Variants in DPH6 observed in about 807,000 individuals in gnomAD.
DPH6 encodes the protein diphthine--ammonia ligase.
Under a neutral mutation model 38.2 loss-of-function variants are expected in DPH6, and 33 were observed. That is an observed-to-expected ratio of 0.86 (90% CI 0.65 to 1.15). The LOEUF is 1.15. Ranked by LOEUF, DPH6 falls within the 50% of genes most tolerant of loss-of-function variation. DPH6 has a pLI of 0.00. For missense variants in DPH6, 325 were observed against 320.0 expected (o/e 1.02, Z -0.12); for synonymous variants, 108 against 103.0 (o/e 1.05, Z -0.30).
At chr15:35,207,955 CT>C in the DPH6 span, among the ~76,000 whole-genome samples, 7 of 152,204 alleles carry the variant, frequency 4.6e-5, no homozygotes, top group African/African-American at 1.7e-4. Context: ...TAGAAATTAC[CT>C]TTATTTTTCA....
intron 3 of DPH6, among the ~76,000 whole-genome samples, chr15:35,244,336 T>A (rs1268909627): frequency 6.6e-6 from 1 of 152,228 alleles, no homozygotes; most frequent in African/African-American, 2.4e-5. Flanking sequence ...AGGCTTTCTC[T>A]ATAGCACGTT....
At chr15:35,468,200 T>C (rs371611634) in intron 3 of DPH6, among the ~76,000 whole-genome samples, 2 of 152,378 alleles carry the variant, frequency 1.3e-5, no homozygotes, top group East Asian at 3.9e-4. Context: ...CTATGCATTA[T>C]CTCATTTTAT....
chr15:35,213,940 G>A (rs986452038), downstream of DPH6, among the ~76,000 whole-genome samples: 21 of 152,220 alleles, frequency 1.4e-4, no homozygotes, highest in East Asian at 3.9e-4. Context: ...GTGAAACCCC[G>A]TCTCTATTAA....
At chr15:35,369,169 C>A (rs897401463), downstream of DPH6, among the ~76,000 whole-genome samples, 8 of 151,400 alleles carry the variant, frequency 5.3e-5, no homozygotes, top group Non-Finnish European at 1.2e-4. Context: ...CAAGGAAAGG[C>A]ATTAAGGATT....
the DPH6 span, among the ~76,000 whole-genome samples, chr15:35,173,941 T>C: frequency 1.3e-5 from 2 of 152,190 alleles, no homozygotes; most frequent in Non-Finnish European, 2.9e-5. Flanking sequence ...AAATATATCA[T>C]GTGTCTTCCC....
chr15:35,167,027 C>T, the DPH6 span, among the ~76,000 whole-genome samples: 47 of 152,110 alleles, frequency 3.1e-4, 1 homozygote, highest in South Asian at 8.7e-3. Flanking sequence ...TCAATGGAAG[C>T]GAATTCTCTT....
At chr15:35,372,990 A>C (rs2052732560) in intron 8 of DPH6, among the ~76,000 whole-genome samples, 1 of 152,060 alleles carries the variant, frequency 6.6e-6, no homozygotes, top group Non-Finnish European at 1.5e-5. Flanking sequence ...TTTATTCCAC[A>C]AGATATCTTT....
chr15:35,335,491 C>T (rs574886577), intron 3 of DPH6, among the ~76,000 whole-genome samples: 2 of 151,946 alleles, frequency 1.3e-5, no homozygotes, highest in South Asian at 2.1e-4. Flanking sequence ...CTGAATGATA[C>T]GCCTAGGTTT....
At chr15:35,543,595 C>T (rs1030578027) in intron 1 of DPH6, among the ~76,000 whole-genome samples, 77 of 151,942 alleles carry the variant, frequency 5.1e-4, no homozygotes, top group African/African-American at 1.8e-3. Flanking sequence ...ATGTTTAGAC[C>T]TCTTCATAGC....
intron 3 of DPH6, among the ~76,000 whole-genome samples, chr15:35,524,118 C>T (rs548136750): frequency 4.6e-5 from 7 of 150,598 alleles, no homozygotes; most frequent in East Asian, 1.9e-4. Flanking sequence ...AAGATAGAAA[C>T]TTGTAAAATA....
chr15:35,145,139 C>T, the DPH6 span, among the ~76,000 whole-genome samples: 5,038 of 125,318 alleles, frequency 0.04, 236 homozygotes, highest in African/African-American at 0.13. Context: ...TATGTTCTTT[C>T]TGCAACAAAC....
At chr15:35,462,563 C>T (rs1374894769) in intron 3 of DPH6, among the ~76,000 whole-genome samples, 1 of 152,148 alleles carries the variant, frequency 6.6e-6, no homozygotes, top group African/African-American at 2.4e-5. Context: ...AAAACACCTT[C>T]CCTAGAATTT....
Position 35,298,140 on chromosome 15 carries a change from A to G in DPH6, n.200+75381T>C, listed in dbSNP as rs1435191420. The G allele has an allele frequency of 1.1e-5, 4 of 372,670 alleles. No individual in the cohort carries two copies. The East Asian group carries it at 2.6e-4, about 24-fold the overall frequency. 23.1% of individuals were successfully genotyped at this position (372,670 alleles called of 1,614,324 possible). A position where few individuals can be genotyped will look rare whatever the true frequency, so the allele number is the denominator to read the frequency against. ...CATATATCTTACAAGTCCCTCCAAGAGTCTCAGTATGCAACAGTCATGGAG... is the reference window on the plus strand; with the variant it reads ...CATATATCTTACAAGTCCCTCCAAGGGTCTCAGTATGCAACAGTCATGGAG... On this transcript the variant is annotated intron_variant and non_coding_transcript_variant, in intron 3 of 3. Coordinates refer to the DPH6 transcript ENST00000560386.
chr15:35,271,372 C>A (rs894015478), intron 3 of DPH6, among the ~76,000 whole-genome samples: 1 of 152,126 alleles, frequency 6.6e-6, no homozygotes, highest in Non-Finnish European at 1.5e-5. Context: ...AAAATATATT[C>A]TTTGCAAACA....
intron 5 of DPH6, among the ~76,000 whole-genome samples, chr15:35,430,563 A>G (rs2141031378): frequency 6.6e-6 from 1 of 152,048 alleles, no homozygotes; most frequent in East Asian, 1.9e-4. Flanking sequence ...AAATAAAACC[A>G]GTGATTTTTA....
chr15:35,475,917 A>C (rs953239708), intron 3 of DPH6, among the ~76,000 whole-genome samples: 1 of 151,912 alleles, frequency 6.6e-6, no homozygotes, highest in Non-Finnish European at 1.5e-5. Flanking sequence ...TGGAGAAAAG[A>C]TACATGAATA....
At chr15:35,481,672 A>T (rs895707771) in intron 3 of DPH6, among the ~76,000 whole-genome samples, 1 of 152,144 alleles carries the variant, frequency 6.6e-6, no homozygotes, top group African/African-American at 2.4e-5. Flanking sequence ...ATGAAATATA[A>T]GACCTGGGAT....
downstream of DPH6, chr15:35,366,029 G>T (rs574262872): frequency 1.0e-6 from 1 of 982,834 alleles, no homozygotes; most frequent in African/African-American, 1.7e-5. Flanking sequence ...CCAAATGTTG[G>T]CAAATAAAAG....
intron 3 of DPH6, among the ~76,000 whole-genome samples, chr15:35,349,810 T>C (rs1239267488): frequency 6.6e-6 from 1 of 152,208 alleles, no homozygotes; most frequent in Non-Finnish European, 1.5e-5. Context: ...TCTTCTTGCA[T>C]TCTAAAAGTA....
Sources: allele counts gnomAD v4.1 joint callset (sites outside exome capture counted in the v4.1 genomes callset), GRCh38; gene constraint gnomAD v4.1.1; transcripts MANE v1.5; gene names NCBI Gene and HGNC (gene_info 2026-07-23, HGNC 2026-07-21).